The following TNFAIP8 variants were observed in gnomAD, a reference collection of about 807,000 sequenced individuals.
TNFAIP8 encodes the protein TNF alpha induced protein 8, also known as tumor necrosis factor alpha-induced protein 8.
TNFAIP8 carries 7 observed loss-of-function variants against 13.3 expected under a neutral mutation model. The ratio of observed to expected loss-of-function variants is 0.52; its 90% CI spans 0.30 to 0.99. TNFAIP8 has a LOEUF of 0.99. TNFAIP8 is among the 50% of genes least tolerant of loss of function. The probability of loss-of-function intolerance (pLI) is 0.07; values close to 1 mark genes in which losing one functional copy is unlikely to be tolerated. For synonymous variants in TNFAIP8, 94 were observed against 87.6 expected (o/e 1.07, Z -0.41); for missense variants, 258 against 236.9 (o/e 1.09, Z -0.58).
chr5:119,341,087 CT>C (rs35856054), intron 1 of TNFAIP8, among the ~76,000 whole-genome samples: 35,182 of 138,270 alleles, frequency 0.25, 4,754 homozygotes, highest in East Asian at 0.38. Context: ...TGGTCTCCTG[CT>C]TTTTTTTTTT....
intron 1 of TNFAIP8, among the ~76,000 whole-genome samples, chr5:119,296,520 T>G (rs1370515610): frequency 6.6e-6 from 1 of 152,178 alleles, no homozygotes; most frequent in Non-Finnish European, 1.5e-5. Context: ...CTGTTGGATT[T>G]GGTTTGCCAG....
chr5:119,376,953 C>G (rs1364957020), intron 1 of TNFAIP8, among the ~76,000 whole-genome samples: 1 of 152,194 alleles, frequency 6.6e-6, no homozygotes, highest in Non-Finnish European at 1.5e-5. Context: ...AGTTCCCCCT[C>G]CCATACACAC....
chr5:119,337,679 G>A (rs1209073938), intron 1 of TNFAIP8, among the ~76,000 whole-genome samples: 1 of 152,248 alleles, frequency 6.6e-6, no homozygotes, highest in Non-Finnish European at 1.5e-5. Context: ...GCTGCCGTGA[G>A]CAGTAGGCCG....
upstream of TNFAIP8, among the ~76,000 whole-genome samples, chr5:119,353,083 T>G (rs1385610287): frequency 6.6e-6 from 1 of 152,234 alleles, no homozygotes; most frequent in African/African-American, 2.4e-5. Context: ...AAATGAGAAG[T>G]GTTGCTAACT....
At chr5:119,286,341 G>C (rs572119782) in intron 1 of TNFAIP8, among the ~76,000 whole-genome samples, 6 of 152,218 alleles carry the variant, frequency 3.9e-5, no homozygotes, top group African/African-American at 1.4e-4. Context: ...AAAAAGTCCC[G>C]GTTGGCACGG....
At chr5:119,305,046 T>G (rs1749509898) in intron 1 of TNFAIP8, among the ~76,000 whole-genome samples, 1 of 152,146 alleles carries the variant, frequency 6.6e-6, no homozygotes, top group Non-Finnish European at 1.5e-5. Context: ...CGTCAATCTG[T>G]AAACTCCAAG....
chr5:119,373,285 A>G (rs558086123), intron 1 of TNFAIP8, among the ~76,000 whole-genome samples: 94 of 152,306 alleles, frequency 6.2e-4, no homozygotes, highest in African/African-American at 2.2e-3. Flanking sequence ...TTACCCCAAA[A>G]TGTAAGAGAG....
intron 1 of TNFAIP8, among the ~76,000 whole-genome samples, chr5:119,296,571 A>G (rs574056404): frequency 1.7e-4 from 26 of 152,224 alleles, no homozygotes; most frequent in African/African-American, 5.8e-4. Flanking sequence ...CATCAAGGAT[A>G]TTGGTCTAAA....
chr5:119,333,247 C>A (rs1308353141), intron 1 of TNFAIP8: 2 of 1,043,086 alleles, frequency 1.9e-6, no homozygotes, highest in African/African-American at 1.7e-5. Flanking sequence ...TTACAGGGAG[C>A]AAGTGCAGGC....
chr5:119,322,910 C>T (rs1717752036), intron 1 of TNFAIP8, among the ~76,000 whole-genome samples: 1 of 152,204 alleles, frequency 6.6e-6, no homozygotes, highest in Non-Finnish European at 1.5e-5. Context: ...TCATAGGCAA[C>T]TCAAATTTGA....
rs1482022852 is a variant in TNFAIP8, at chr5:119,394,637, C to T, written c.*1256C>T. On this transcript the variant is annotated 3_prime_UTR_variant, in exon 2 of 2. Coordinates refer to ENST00000504771, the MANE Select transcript of TNFAIP8 (RefSeq NM_014350.4). ...TTTTTTTTTTTTTTTTTTTGAGTCT[C>T]GCTCTGTTGTTTAGGCTAGAATGCA... The T allele has an allele frequency of 7.1e-5, 7 of 98,060 alleles. No homozygotes were observed. The highest frequency in any genetic ancestry group is 2.7e-4 in the South Asian group (1 of 3,638). 6.1% of individuals were successfully genotyped at this position (98,060 alleles called of 1,614,324 possible). A position where few individuals can be genotyped will look rare whatever the true frequency, so the allele number is the denominator to read the frequency against.
chr5:119,374,739 G>A (rs893734779), intron 1 of TNFAIP8, among the ~76,000 whole-genome samples: 2 of 152,204 alleles, frequency 1.3e-5, no homozygotes. Flanking sequence ...CCAAGTGCTG[G>A]AATGGCCGGG....
chr5:119,394,598 C>T lies in TNFAIP8; in HGVS notation c.*1217C>T, dbSNP rs1024649309. The T allele has an allele frequency of 3.7e-5, 5 of 134,018 alleles. No homozygotes were observed. The highest frequency in any genetic ancestry group is 1.7e-4 in the African/African-American group (5 of 30,224). The allele number at this position is 134,018 out of a possible 1,614,324, so 8.3% of individuals were successfully genotyped here. On this transcript the variant is annotated 3_prime_UTR_variant, in exon 2 of 2. Coordinates refer to ENST00000504771, the MANE Select transcript of TNFAIP8 (RefSeq NM_014350.4). ...CACCAGCAATAAACATTTCCATTGTCACTGTGTCTATGATTTTTTTTTTTT... is the reference window on the plus strand; with the variant it reads ...CACCAGCAATAAACATTTCCATTGTTACTGTGTCTATGATTTTTTTTTTTT...
rs146818423 is a variant in TNFAIP8, at chr5:119,385,100, A to G, written c.32-7716A>G. 1.0e-3 allele frequency among the ~76,000 whole-genome samples: 157 copies of G among 152,354 alleles called. 1 individual carries two copies. The highest frequency in any genetic ancestry group is 3.8e-3 in the African/African-American group (157 of 41,574). On this transcript the variant is annotated intron_variant, in intron 1 of 1. Transcript: ENST00000504771. ...TGGCAAATAAGGGATGTAAGGAGAAATGGCCTAGTACACTGCTGGATCTTT... is the reference window on the plus strand; with the variant it reads ...TGGCAAATAAGGGATGTAAGGAGAAGTGGCCTAGTACACTGCTGGATCTTT...
chr5:119,316,295 A>C (rs1264057614), intron 1 of TNFAIP8: 1 of 151,940 alleles, frequency 6.6e-6, no homozygotes, highest in East Asian at 1.9e-4. Context: ...GAGTAGCTGG[A>C]ACCACAGGTA....
At chr5:119,356,924 G>A (rs1404266288) in intron 1 of TNFAIP8, among the ~76,000 whole-genome samples, 1 of 152,134 alleles carries the variant, frequency 6.6e-6, no homozygotes, top group Non-Finnish European at 1.5e-5. Context: ...AGTAAGGGTG[G>A]TTGGGGAAAA....
At chr5:119,372,478 A>G (rs549309380) in intron 1 of TNFAIP8, among the ~76,000 whole-genome samples, 2 of 152,354 alleles carry the variant, frequency 1.3e-5, no homozygotes, top group East Asian at 3.9e-4. Context: ...AATATTTTCC[A>G]AGAACAAAGA....
chr5:119,290,927 G>A (rs1748963864), intron 1 of TNFAIP8, among the ~76,000 whole-genome samples: 1 of 152,182 alleles, frequency 6.6e-6, no homozygotes, highest in Non-Finnish European at 1.5e-5. Context: ...GTCAGGGCCT[G>A]TAGGGTCTTG....
intron 1 of TNFAIP8, among the ~76,000 whole-genome samples, chr5:119,363,993 A>T (rs1751732760): frequency 6.6e-6 from 1 of 152,208 alleles, no homozygotes; most frequent in Non-Finnish European, 1.5e-5. Flanking sequence ...ACTGGAAGAG[A>T]TGTGTAGGAC....
Sources: gnomAD v4.1 joint callset for allele counts (sites outside exome capture counted in the v4.1 genomes callset) on GRCh38, gnomAD v4.1.1 for gene constraint, MANE v1.5 for transcripts, NCBI Gene and HGNC (gene_info 2026-07-23, HGNC 2026-07-21) for gene names.